HIGD1A: variants seen among roughly 807,000 people sequenced by gnomAD.
HIGD1A encodes the protein HIG1 domain family member 1A, mitochondrial.
A neutral mutation model predicts 11.3 loss-of-function variants in HIGD1A; 8 were observed. That is an observed-to-expected ratio of 0.71 (90% confidence interval 0.42 to 1.28). The LOEUF is 1.28. HIGD1A is among the 50% of genes most tolerant of loss of function. The pLI is 0.01. For synonymous variants in HIGD1A, 32 were observed against 38.4 expected, an observed-to-expected ratio of 0.83 and a Z score of 0.62; for missense variants, 107 against 118.8, an observed-to-expected ratio of 0.90 and a Z score of 0.46.
chr3:42,800,093 A>G (rs894390672), intron 1 of HIGD1A, among the ~76,000 whole-genome samples: 4 of 152,088 alleles, frequency 2.6e-5, no homozygotes, highest in Non-Finnish European at 5.9e-5. Flanking sequence ...TTGGGGCACC[A>G]AGGTGGGCAA....
intron 1 of HIGD1A, among the ~76,000 whole-genome samples, chr3:42,800,602 ACT>A (rs983814862): frequency 4.0e-5 from 6 of 149,492 alleles, no homozygotes; most frequent in Non-Finnish European, 8.9e-5. Flanking sequence ...CTTTTTTTAC[ACT>A]GAGTCAGAAC....
In HIGD1A at chr3:42,783,814, G is replaced by C. The variant is rs537154745; in HGVS notation, c.*1457C>G. 6.6e-6 allele frequency among the ~76,000 whole-genome samples: 1 copy of C among 152,242 alleles called. No homozygotes were observed. The highest frequency in any genetic ancestry group is 1.9e-4 in the East Asian group (1 of 5,172). On this transcript the variant is annotated 3_prime_UTR_variant, in exon 4 of 4. Transcript: ENST00000321331. Reference sequence around the variant, plus strand: ...TAATCAGCTGGGCGTGGTGGCTCACGCCTGTAATCCTAGCACTTTGGGAGG... The same window carrying C: ...TAATCAGCTGGGCGTGGTGGCTCACCCCTGTAATCCTAGCACTTTGGGAGG...
At chr3:42,791,175 T>A (rs1700417744) in intron 2 of HIGD1A, among the ~76,000 whole-genome samples, 1 of 152,164 alleles carries the variant, frequency 6.6e-6, no homozygotes, top group Non-Finnish European at 1.5e-5. Flanking sequence ...GATACCCAAA[T>A]CACTGTGATA....
intron 1 of HIGD1A, among the ~76,000 whole-genome samples, chr3:42,795,279 C>T (rs191723407): frequency 2.1e-3 from 314 of 150,106 alleles, no homozygotes; most frequent in Admixed American, 3.9e-3. Flanking sequence ...AGTGCAATGG[C>T]GTAGTCTTGG....
rs1223507662 is a variant in HIGD1A at position 42,789,523 on chromosome 3, A to T, written c.98-3361T>A. 1.3e-4 allele frequency among the ~76,000 whole-genome samples: 20 copies of T among 149,938 alleles called. No homozygotes were observed. The Admixed American group carries it at 1.4e-3, about 10-fold the overall frequency. ...CTACAAAAAAAAAAAATTTTAATAA[A>T]AAATAAATTAAAAAAAAGAATTCAC... On this transcript the variant is annotated intron_variant, in intron 2 of 3. Coordinates refer to ENST00000321331, the MANE Select transcript of HIGD1A (RefSeq NM_014056.4).
At chr3:42,794,386 T>C (rs1700468295) in intron 1 of HIGD1A, 111 bp from the exon 2 acceptor site, 1 of 1,032,640 alleles carries the variant, frequency 9.7e-7, no homozygotes, top group Non-Finnish European at 1.3e-6. Flanking sequence ...GTATATGTTA[T>C]CCATAATCCT....
intron 1 of HIGD1A, among the ~76,000 whole-genome samples, chr3:42,803,194 T>C (rs1700590953): frequency 6.6e-6 from 1 of 152,180 alleles, no homozygotes; most frequent in Admixed American, 6.5e-5. Flanking sequence ...AGAGCACAAA[T>C]TAATTCTGTA....
At chr3:42,802,160 GTT>G (rs796125779) in intron 1 of HIGD1A, among the ~76,000 whole-genome samples, 2 of 146,060 alleles carry the variant, frequency 1.4e-5, no homozygotes, top group Non-Finnish European at 1.5e-5. Flanking sequence ...GGAGCAAAAG[GTT>G]TTTTTTTTTT....
At position 42,783,613 on chromosome 3, in the gene HIGD1A, T is replaced by TA. The variant is rs1700308147; in HGVS notation, c.*1657_*1658insT. On this transcript the variant is annotated 3_prime_UTR_variant, in exon 4 of 4. Coordinates refer to ENST00000321331, the MANE Select transcript of HIGD1A (RefSeq NM_014056.4). ...CTCAGCAACAGAGCAAGACTCTGTC[T>TA]CAAAATAAACAAACAAACAAACAAA... Among the ~76,000 whole-genome samples, 1 of 151,896 alleles carries TA rather than the reference T, an allele frequency of 6.6e-6. No individual in the cohort carries two copies. The highest frequency in any genetic ancestry group is 2.4e-5 in the African/African-American group (1 of 41,266).
intron 2 of HIGD1A, 27 bp from the exon 3 acceptor site, chr3:42,786,189 A>C (rs1427267773): frequency 1.1e-5 from 18 of 1,613,172 alleles, no homozygotes; most frequent in Non-Finnish European, 1.5e-5. Context: ...CAAGTATGTC[A>C]GATGCATGAG....
intron 1 of HIGD1A, among the ~76,000 whole-genome samples, chr3:42,799,920 A>G (rs1381567654): frequency 6.6e-6 from 1 of 152,242 alleles, no homozygotes; most frequent in African/African-American, 2.4e-5. Flanking sequence ...CACGTTTCAC[A>G]GAGAAACACT....
chr3:42,792,435 A>G (rs1238128073), intron 2 of HIGD1A, among the ~76,000 whole-genome samples: 1 of 152,106 alleles, frequency 6.6e-6, no homozygotes, highest in Non-Finnish European at 1.5e-5. Context: ...GCACTTTGGG[A>G]GGCCGAGGCG....
At chr3:42,796,140 C>G (rs777825825) in intron 1 of HIGD1A, among the ~76,000 whole-genome samples, 2 of 152,142 alleles carry the variant, frequency 1.3e-5, no homozygotes, top group Non-Finnish European at 2.9e-5. Context: ...AATGCAACTC[C>G]GGAGGGGGTG....
intron 1 of HIGD1A, chr3:42,804,070 C>G: frequency 8.0e-7 from 1 of 1,253,682 alleles, no homozygotes; most frequent in Non-Finnish European, 1.1e-6. Context: ...TCCGGGGAAG[C>G]TCCCGCTCCT....
chr3:42,796,435 G>T (rs71323169), intron 1 of HIGD1A, among the ~76,000 whole-genome samples: 26,241 of 90,456 alleles, frequency 0.29, 2,449 homozygotes, highest in South Asian at 0.47. Flanking sequence ...ATTAGTTGTT[G>T]TTTTTTTTTT....
At position 42,785,969 on chromosome 3, in the gene HIGD1A, G is replaced by A. The variant is rs552078393; in HGVS notation, c.232+59C>T. ...TCAGCTAAAAATATTTACCTATTTT[G>A]TTTGTAAAGAAATACCTTAATGAGA... On this transcript the variant is annotated intron_variant, in intron 3 of 3. Coordinates refer to ENST00000321331, the MANE Select transcript of HIGD1A (RefSeq NM_014056.4). 124 of 1,515,912 alleles carry A rather than the reference G, an allele frequency of 8.2e-5. No individual in the cohort carries two copies. In the East Asian group the frequency reaches 2.8e-3, roughly 34 times the overall value. The allele number at this position is 1,515,912 out of a possible 1,614,324, so 93.9% of individuals were successfully genotyped here.
At chr3:42,786,462 GA>G (rs1251379261) in intron 2 of HIGD1A, among the ~76,000 whole-genome samples, 1 of 152,114 alleles carries the variant, frequency 6.6e-6, no homozygotes, top group African/African-American at 2.4e-5. Context: ...TTATCAGAAC[GA>G]AAGTGTGCCA....
In HIGD1A at chr3:42,796,974, G is replaced by A. The variant is rs1279313819; in HGVS notation, c.-22-2699C>T. ...CGTCTCCGTCTCCGTCTCCGTCTCC[G>A]TCTCCCTCTCCCCACGGTCTCCCTC... On this transcript the variant is annotated intron_variant, in intron 1 of 3. Coordinates refer to ENST00000321331, the MANE Select transcript of HIGD1A (RefSeq NM_014056.4). Among the ~76,000 whole-genome samples the A allele has an allele frequency of 1.9e-3, 2 of 1,066 alleles. 1 individual carries two copies. The highest frequency in any genetic ancestry group is 2.0e-3 in the African/African-American group (2 of 1,022). 0.7% of individuals were successfully genotyped at this position (1,066 alleles called of 152,430 possible). A position where few individuals can be genotyped will look rare whatever the true frequency, so the allele number is the denominator to read the frequency against.
chr3:42,802,234 A>G (rs1181739174), intron 1 of HIGD1A, among the ~76,000 whole-genome samples: 2 of 152,112 alleles, frequency 1.3e-5, no homozygotes, highest in Non-Finnish European at 2.9e-5. Flanking sequence ...AGAACAGAAG[A>G]AAACCTATTT....
Sources: gnomAD v4.1 joint callset for allele counts (sites outside exome capture counted in the v4.1 genomes callset) on GRCh38, gnomAD v4.1.1 for gene constraint, MANE v1.5 for transcripts, NCBI Gene and HGNC (gene_info 2026-07-23, HGNC 2026-07-21) for gene names.